The following GULP1 variants were observed in gnomAD, a reference collection of about 807,000 sequenced individuals.
The protein encoded by GULP1 is PTB domain-containing engulfment adapter protein 1.
A neutral mutation model predicts 40.9 loss-of-function variants in GULP1; 19 were observed. The observed-to-expected ratio is 0.46, with a 90% CI of 0.32 to 0.68. GULP1 has a LOEUF of 0.68. Ranked by LOEUF, GULP1 falls within the 30% of genes least tolerant of loss-of-function variation. The pLI is 0.03. For synonymous variants in GULP1, 119 were observed against 117.6 expected, an observed-to-expected ratio of 1.01 and a Z score of -0.08; for missense variants, 312 against 362.2, an observed-to-expected ratio of 0.86 and a Z score of 1.12.
At chr2:188,541,119 A>T in intron 6 of GULP1, 62 bp from the exon 7 acceptor site, 1 of 1,383,606 alleles carries the variant, frequency 7.2e-7, no homozygotes, top group Non-Finnish European at 1.0e-6. Context: ...AACACAAACG[A>T]GTATTTCAGA....
At chr2:188,397,246 T>C (rs1262163637) in intron 2 of GULP1, among the ~76,000 whole-genome samples, 2 of 152,148 alleles carry the variant, frequency 1.3e-5, no homozygotes, top group Non-Finnish European at 2.9e-5. Context: ...TGTAGAAAAA[T>C]GAATTTCTTA....
At chr2:188,541,138 A>G in intron 6 of GULP1, 43 bp from the exon 7 acceptor site, 1 of 1,561,826 alleles carries the variant, frequency 6.4e-7, no homozygotes, top group South Asian at 1.2e-5. Flanking sequence ...GAAAATGAAA[A>G]AAGAATCCCA....
chr2:188,413,479 A>G (rs914631793), intron 2 of GULP1, among the ~76,000 whole-genome samples: 3 of 152,194 alleles, frequency 2.0e-5, no homozygotes, highest in East Asian at 1.9e-4. Flanking sequence ...GGCTGCATAA[A>G]TGTCCTTTTT....
At chr2:188,512,168 C>CT (rs944607212) in intron 4 of GULP1, among the ~76,000 whole-genome samples, 21 of 151,748 alleles carry the variant, frequency 1.4e-4, no homozygotes, top group Admixed American at 7.2e-4. Flanking sequence ...AATACTTTTC[C>CT]TTTTTTTTGC....
chr2:188,544,537 T>TAA (rs781413455), intron 7 of GULP1, among the ~76,000 whole-genome samples: 1,688 of 148,554 alleles, frequency 0.011, 25 homozygotes, highest in African/African-American at 0.019. Flanking sequence ...TAAAGTATTA[T>TAA]TATAATAATA....
chr2:188,328,440 T>A (rs998886142), intron 1 of GULP1, among the ~76,000 whole-genome samples: 27 of 152,254 alleles, frequency 1.8e-4, no homozygotes, highest in Admixed American at 8.5e-4. Flanking sequence ...TTTCTCTTAA[T>A]GCCATATTAT....
At chr2:188,543,559 G>A (rs191334083) in intron 7 of GULP1, among the ~76,000 whole-genome samples, 3 of 152,204 alleles carry the variant, frequency 2.0e-5, no homozygotes, top group African/African-American at 7.2e-5. Context: ...CAGAATTTTT[G>A]ATATGCCATC....
At chr2:188,491,603 AAGC>A (rs1271431543) in intron 4 of GULP1, 2 of 152,228 alleles carry the variant, frequency 1.3e-5, no homozygotes, top group South Asian at 2.1e-4. Flanking sequence ...TGGTAGGTGA[AAGC>A]AATTTGCCTC....
intron 1 of GULP1, chr2:188,297,654 C>G (rs962958715): frequency 8.5e-6 from 3 of 352,830 alleles, no homozygotes; most frequent in African/African-American, 4.6e-5. Flanking sequence ...TCAGTCTACC[C>G]TCTTATAGAA....
intron 4 of GULP1, among the ~76,000 whole-genome samples, chr2:188,493,585 C>G (rs1474300587): frequency 6.6e-6 from 1 of 152,018 alleles, no homozygotes; most frequent in Non-Finnish European, 1.5e-5. Context: ...AAACATTTGT[C>G]TAGCAGACAC....
intron 1 of GULP1, among the ~76,000 whole-genome samples, chr2:188,338,779 C>T (rs1218913751): frequency 6.6e-6 from 1 of 152,282 alleles, no homozygotes; most frequent in South Asian, 2.1e-4. Context: ...CCACTCCCAT[C>T]TGTCCAGTAC....
At chr2:188,428,181 G>A (rs933596231) in intron 2 of GULP1, among the ~76,000 whole-genome samples, 2 of 152,194 alleles carry the variant, frequency 1.3e-5, no homozygotes, top group Non-Finnish European at 2.9e-5. Flanking sequence ...CCCAATGCCT[G>A]TATCCCCATT....
At chr2:188,322,005 A>G (rs2040057106) in intron 1 of GULP1, among the ~76,000 whole-genome samples, 1 of 152,174 alleles carries the variant, frequency 6.6e-6, no homozygotes, top group Admixed American at 6.6e-5. Flanking sequence ...AGCCTGGACA[A>G]CAGGAGTGAA....
At chr2:188,539,368 A>T (rs1689831031) in intron 6 of GULP1, among the ~76,000 whole-genome samples, 1 of 152,146 alleles carries the variant, frequency 6.6e-6, no homozygotes, top group Admixed American at 6.6e-5. Context: ...GAGAGCTGTT[A>T]TTTAATTGAC....
At chr2:188,549,090 G>A in intron 7 of GULP1, among the ~76,000 whole-genome samples, 1 of 151,788 alleles carries the variant, frequency 6.6e-6, no homozygotes, top group Admixed American at 6.6e-5. Flanking sequence ...ATTTAAAATG[G>A]GGGAAAATGA....
intron 1 of GULP1, among the ~76,000 whole-genome samples, chr2:188,331,420 G>A (rs1374354387): frequency 6.6e-6 from 1 of 152,140 alleles, no homozygotes; most frequent in African/African-American, 2.4e-5. Context: ...TTTTACTGTA[G>A]TGATTTGAAA....
At chr2:188,543,664 A>C (rs1297114669) in intron 7 of GULP1, among the ~76,000 whole-genome samples, 11 of 152,170 alleles carry the variant, frequency 7.2e-5, no homozygotes, top group Non-Finnish European at 1.3e-4. Context: ...TATTTTAAAA[A>C]ACCAAGACCA....
chr2:188,557,325 C>T (rs1695023113), intron 7 of GULP1, among the ~76,000 whole-genome samples: 1 of 152,152 alleles, frequency 6.6e-6, no homozygotes, highest in African/African-American at 2.4e-5. Context: ...AAATCCAAAG[C>T]AAGTTAATTA....
chr2:188,494,284 T>A (rs912021932), intron 4 of GULP1, among the ~76,000 whole-genome samples: 2 of 152,060 alleles, frequency 1.3e-5, no homozygotes, highest in Admixed American at 6.6e-5. Context: ...TTCTTGTTTG[T>A]TTCAAAACCT....
Sources: allele counts gnomAD v4.1 joint callset (sites outside exome capture counted in the v4.1 genomes callset), GRCh38; gene constraint gnomAD v4.1.1; transcripts MANE v1.5; gene names NCBI Gene and HGNC (gene_info 2026-07-23, HGNC 2026-07-21).